The following LSAMP variants were observed in gnomAD, a reference collection of about 807,000 sequenced individuals.
LSAMP encodes the protein limbic system-associated membrane protein.
In LSAMP, 7 loss-of-function variants were observed where a neutral mutation model predicts 38.6. The ratio of observed to expected loss-of-function variants is 0.18; its 90% CI spans 0.10 to 0.34. The LOEUF (loss-of-function observed/expected upper bound fraction) is 0.34, where lower values mean the gene tolerates loss of function less well. LSAMP is among the 10% of genes least tolerant of loss of function. The pLI is 1.00. For synonymous variants in LSAMP, 154 were observed against 166.8 expected (o/e 0.92, Z 0.59); for missense variants, 313 against 420.0 (o/e 0.75, Z 2.23).
At chr3:116,290,246 T>C (rs1384381653) in intron 1 of LSAMP, among the ~76,000 whole-genome samples, 1 of 152,210 alleles carries the variant, frequency 6.6e-6, no homozygotes, top group African/African-American at 2.4e-5. Flanking sequence ...TAGGAGACAC[T>C]GTATGTGGTA....
chr3:115,963,498 G>A (rs1207886012), intron 3 of LSAMP, among the ~76,000 whole-genome samples: 1 of 152,036 alleles, frequency 6.6e-6, no homozygotes, highest in Admixed American at 6.6e-5. Flanking sequence ...GTGGTCAGTT[G>A]AAGAACCCAT....
intron 1 of LSAMP, among the ~76,000 whole-genome samples, chr3:116,349,447 AAAAAG>A (rs1229794465): frequency 2.0e-5 from 3 of 151,518 alleles, no homozygotes; most frequent in African/African-American, 7.3e-5. Context: ...CTTTAAATTA[AAAAAG>A]AAAACAGAAT....
chr3:115,915,794 G>T (rs547272467), intron 3 of LSAMP, among the ~76,000 whole-genome samples: 2 of 151,944 alleles, frequency 1.3e-5, no homozygotes, highest in African/African-American at 4.8e-5. Context: ...CACCACGCCC[G>T]GCTAATTTTT....
intron 1 of LSAMP, among the ~76,000 whole-genome samples, chr3:116,356,547 A>C (rs2048225759): frequency 6.6e-6 from 1 of 152,244 alleles, no homozygotes. Flanking sequence ...ACTAGTTAGC[A>C]GTAATCTGTT....
intron 1 of LSAMP, among the ~76,000 whole-genome samples, chr3:116,389,121 A>T (rs1231130115): frequency 2.0e-5 from 3 of 152,120 alleles, no homozygotes; most frequent in Non-Finnish European, 2.9e-5. Flanking sequence ...GTCAGACAGG[A>T]TGCTGAGACT....
chr3:115,816,661 A>G, intron 6 of LSAMP: 1 of 1,278,358 alleles, frequency 7.8e-7, no homozygotes, highest in South Asian at 1.3e-5. Flanking sequence ...AATAAGAAAC[A>G]TTAAGCAAAA....
At chr3:116,256,365 A>C (rs1314470216) in intron 1 of LSAMP, among the ~76,000 whole-genome samples, 1 of 152,342 alleles carries the variant, frequency 6.6e-6, no homozygotes. Context: ...ATAGAATATC[A>C]CTTTTACAAA....
chr3:116,354,315 G>C (rs2048190102), intron 1 of LSAMP, among the ~76,000 whole-genome samples: 2 of 152,092 alleles, frequency 1.3e-5, no homozygotes, highest in African/African-American at 4.8e-5. Flanking sequence ...ACACCTTATT[G>C]ATGCTACCTG....
intron 1 of LSAMP, among the ~76,000 whole-genome samples, chr3:116,282,431 T>A (rs1487970401): frequency 6.6e-6 from 1 of 152,242 alleles, no homozygotes; most frequent in Non-Finnish European, 1.5e-5. Context: ...AGTCTGTCAT[T>A]GTAACATTCT....
intron 1 of LSAMP, chr3:116,367,958 T>C (rs1459277834): frequency 1.3e-5 from 2 of 152,344 alleles, no homozygotes; most frequent in East Asian, 1.9e-4. Context: ...TGACTGTGGC[T>C]CTGTGCCATC....
At chr3:116,257,953 G>A (rs2046772902) in intron 1 of LSAMP, among the ~76,000 whole-genome samples, 1 of 152,010 alleles carries the variant, frequency 6.6e-6, no homozygotes, top group African/African-American at 2.4e-5. Context: ...TCAGAATTTT[G>A]CAGTGCCTCA....
At chr3:116,443,151 C>T (rs1187656598) in intron 1 of LSAMP, among the ~76,000 whole-genome samples, 4 of 152,128 alleles carry the variant, frequency 2.6e-5, no homozygotes, top group African/African-American at 9.7e-5. Flanking sequence ...GAGTGCTTCA[C>T]CATTAAAGGG....
intron 6 of LSAMP, among the ~76,000 whole-genome samples, chr3:115,810,712 G>C: frequency 6.6e-6 from 1 of 152,188 alleles, no homozygotes; most frequent in East Asian, 1.9e-4. Context: ...GCAGGCTCCT[G>C]TTCACCCAGC....
At chr3:115,818,236 T>G (rs1934093890) in intron 6 of LSAMP, among the ~76,000 whole-genome samples, 1 of 152,192 alleles carries the variant, frequency 6.6e-6, no homozygotes, top group African/African-American at 2.4e-5. Flanking sequence ...TTGTGCAAAG[T>G]GCAACTTTCC....
intron 3 of LSAMP, among the ~76,000 whole-genome samples, chr3:115,918,478 G>T (rs1937303640): frequency 6.6e-6 from 1 of 152,070 alleles, no homozygotes; most frequent in South Asian, 2.1e-4. Flanking sequence ...GTGGGAGAAG[G>T]GGGCATTTTG....
At chr3:115,994,490 A>C (rs1939761580) in intron 3 of LSAMP, among the ~76,000 whole-genome samples, 1 of 152,082 alleles carries the variant, frequency 6.6e-6, no homozygotes, top group African/African-American at 2.4e-5. Context: ...TCCTTTCATG[A>C]AGCTTGGTTT....
chr3:115,972,638 T>TTC, intron 3 of LSAMP, among the ~76,000 whole-genome samples: 1 of 151,380 alleles, frequency 6.6e-6, no homozygotes, highest in Non-Finnish European at 1.5e-5. Flanking sequence ...CATTAAGGGG[T>TTC]AAAGATAAAA....
chr3:116,183,400 T>A (rs1216800749), intron 1 of LSAMP, among the ~76,000 whole-genome samples: 1 of 151,798 alleles, frequency 6.6e-6, no homozygotes, highest in Admixed American at 6.6e-5. Context: ...TTTTAACTTG[T>A]GGGAATAGAG....
intron 3 of LSAMP, among the ~76,000 whole-genome samples, chr3:115,889,329 T>C (rs1011947178): frequency 5.9e-5 from 9 of 151,964 alleles, no homozygotes; most frequent in Non-Finnish European, 1.0e-4. Flanking sequence ...TTGGTGAATT[T>C]TCAGAGACCT....
Sources: gnomAD v4.1 joint callset for allele counts (sites outside exome capture counted in the v4.1 genomes callset) on GRCh38, gnomAD v4.1.1 for gene constraint, MANE v1.5 for transcripts, NCBI Gene and HGNC (gene_info 2026-07-23, HGNC 2026-07-21) for gene names.